DSG4: variants seen among roughly 807,000 people sequenced by gnomAD.
DSG4 encodes desmoglein-4.
In DSG4, 87 loss-of-function variants were observed where a neutral mutation model predicts 93.1. The ratio of observed to expected loss-of-function variants is 0.93; its 90% CI spans 0.79 to 1.12. The LOEUF (loss-of-function observed/expected upper bound fraction) is 1.12, where lower values mean the gene tolerates loss of function less well. Among genes scored for constraint, DSG4 ranks in the 50% most tolerant of loss-of-function variants. The probability of loss-of-function intolerance (pLI) is 0.00; values close to 1 mark genes in which losing one functional copy is unlikely to be tolerated. For missense variants in DSG4, 1,373 were observed against 1,285.7 expected (o/e 1.07, Z -1.04); for synonymous variants, 432 against 452.9 (o/e 0.95, Z 0.59).
In DSG4 at chr18:31,406,007, G is replaced by A. The variant is rs192423161; in HGVS notation, c.1637-70G>A. Reference sequence around the variant, plus strand: ...TTTTAAGTCAATATTTGGTATTAGGGAGAGTTAACCACCCCCCTAGCCCAC... The same window carrying A: ...TTTTAAGTCAATATTTGGTATTAGGAAGAGTTAACCACCCCCCTAGCCCAC... On this transcript the variant is annotated intron_variant, in intron 11 of 15. Coordinates refer to ENST00000308128, the MANE Select transcript of DSG4 (RefSeq NM_177986.5). The A allele has an allele frequency of 6.3e-5, 99 of 1,578,414 alleles. No homozygotes were observed. In the South Asian group the frequency reaches 8.5e-4, roughly 14 times the overall value.
chr18:31,389,870 G>A (rs1297606178), intron 5 of DSG4, among the ~76,000 whole-genome samples: 2 of 152,110 alleles, frequency 1.3e-5, no homozygotes, highest in African/African-American at 2.4e-5. Context: ...TTGCCTAGGA[G>A]AGCCAACACA....
chr18:31,402,532 G>A (rs1207487212), intron 10 of DSG4, among the ~76,000 whole-genome samples: 1 of 152,068 alleles, frequency 6.6e-6, no homozygotes, highest in East Asian at 1.9e-4. Context: ...CTATAGGTAG[G>A]CTCTCAGTTT....
At chr18:31,397,480 C>T (rs2072318223) in intron 8 of DSG4, among the ~76,000 whole-genome samples, 1 of 152,076 alleles carries the variant, frequency 6.6e-6, no homozygotes, top group African/African-American at 2.4e-5. Flanking sequence ...ACTAAAGGGC[C>T]CCACTTGCGA....
intron 8 of DSG4, among the ~76,000 whole-genome samples, chr18:31,398,978 T>C (rs1387801502): frequency 6.6e-6 from 1 of 152,162 alleles, no homozygotes; most frequent in Non-Finnish European, 1.5e-5. Flanking sequence ...ATTTGGAAAA[T>C]AATCGTTTTT....
chr18:31,397,296 C>G (rs1167908229), intron 8 of DSG4, among the ~76,000 whole-genome samples: 1 of 152,188 alleles, frequency 6.6e-6, no homozygotes, highest in African/African-American at 2.4e-5. Context: ...CCCCCAGCCA[C>G]TCTAACACAC....
rs1348661145 is a variant in DSG4, at chr18:31,397,181, A to C, written c.1006-2091A>C. Among the ~76,000 whole-genome samples, 4 of 152,198 alleles carry C rather than the reference A, an allele frequency of 2.6e-5. No homozygotes were observed. In the East Asian group the frequency reaches 7.7e-4, roughly 29 times the overall value. On this transcript the variant is annotated intron_variant, in intron 8 of 15. Coordinates refer to ENST00000308128, the MANE Select transcript of DSG4 (RefSeq NM_177986.5). The stretch of plus-strand genomic sequence containing the variant: ...AATCTAAGCGTAGCTTCTATACTAC[A>C]ATTTACAGCAGCCAAAAGCCTGCCA...
At chr18:31,401,171 G>A in intron 10 of DSG4, 151 bp downstream of exon 10, 1 of 607,100 alleles carries the variant, frequency 1.6e-6, no homozygotes, top group East Asian at 3.1e-5. Flanking sequence ...ATCAAGAATT[G>A]AAGTCAATTA....
chr18:31,391,026 A>C, intron 6 of DSG4, 52 bp from the exon 7 acceptor site: 20 of 1,609,400 alleles, frequency 1.2e-5, no homozygotes, highest in Non-Finnish European at 1.6e-5. Flanking sequence ...AATGCATTGG[A>C]TTCTATTCAA....
chr18:31,390,328 C>T (rs1013542609), intron 5 of DSG4, among the ~76,000 whole-genome samples: 5 of 152,036 alleles, frequency 3.3e-5, no homozygotes, highest in Non-Finnish European at 7.4e-5. Context: ...AAAAATAAAA[C>T]AGATAAAAAT....
At chr18:31,397,014 G>A (rs2072312950) in intron 8 of DSG4, among the ~76,000 whole-genome samples, 1 of 151,952 alleles carries the variant, frequency 6.6e-6, no homozygotes, top group South Asian at 2.1e-4. Context: ...GTCCCCTGCT[G>A]TTGAAAAACT....
chr18:31,403,234 G>T (rs2072387767), intron 10 of DSG4, among the ~76,000 whole-genome samples, 182 bp from the exon 11 acceptor site: 1 of 152,168 alleles, frequency 6.6e-6, no homozygotes, highest in African/African-American at 2.4e-5. Flanking sequence ...GAAGCAGTGT[G>T]GCTGGAAGGT....
intron 5 of DSG4, among the ~76,000 whole-genome samples, chr18:31,389,655 C>G (rs373505154): frequency 6.6e-6 from 1 of 152,016 alleles, no homozygotes; most frequent in Admixed American, 6.6e-5. Flanking sequence ...GCCTTCTGAC[C>G]TTGATTTTAC....
At chr18:31,386,891 G>A (rs991136620) in intron 3 of DSG4, 72 bp downstream of exon 3, 2 of 1,602,372 alleles carry the variant, frequency 1.2e-6, no homozygotes, top group East Asian at 2.3e-5. Context: ...TCCAAGATTT[G>A]CAGGCTTCAC....
rs761624597 is a variant in DSG4, at chr18:31,412,833, G to A, written c.2361G>A (p.Ala787=). 28 of 1,613,978 alleles carry A rather than the reference G, an allele frequency of 1.7e-5. No individual in the cohort carries two copies. Among genetic ancestry groups the A allele is most frequent in the African/African-American group, 5.3e-5 (4 of 74,908 alleles). The change falls in exon 16 of 16, where the codon GCG becomes GCA. Residue 787 remains alanine (A), a synonymous_variant. Coordinates refer to ENST00000308128, the MANE Select transcript of DSG4 (RefSeq NM_177986.5). ...AFLDSYFSEK[A]YAYADEDEGR... The stretch of plus-strand genomic sequence containing the variant: ...GTATTTCCTTTTAATTTTAGAAAGC[G>A]TATGCTTATGCAGATGAAGATGAAG...
chr18:31,383,484 A>G (rs557297844), intron 1 of DSG4, among the ~76,000 whole-genome samples: 103 of 152,222 alleles, frequency 6.8e-4, no homozygotes, highest in African/African-American at 2.4e-3. Flanking sequence ...TTATTCTAGT[A>G]TATTCCTTTA....
chr18:31,396,354 CTTTTTTTTTTTTTT>C (rs71383035), intron 8 of DSG4, among the ~76,000 whole-genome samples: 47 of 74,010 alleles, frequency 6.4e-4, no homozygotes, highest in South Asian at 1.7e-3. Flanking sequence ...AGGGTCATTG[CTTTTTTTTTTTTTT>C]TTTTTTTTTT....
At chr18:31,397,586 A>C (rs562776855) in intron 8 of DSG4, among the ~76,000 whole-genome samples, 11 of 152,140 alleles carry the variant, frequency 7.2e-5, no homozygotes. Context: ...AGATTATGTG[A>C]AGATCTTTAA....
At chr18:31,378,075 C>T (rs1181070319) in intron 1 of DSG4, among the ~76,000 whole-genome samples, 5 of 152,338 alleles carry the variant, frequency 3.3e-5, no homozygotes. Context: ...GAGCCGAACA[C>T]TGCCAAAGGG....
intron 12 of DSG4, 33 bp downstream of exon 12, chr18:31,406,406 G>C (rs1485686145): frequency 1.9e-6 from 3 of 1,613,254 alleles, no homozygotes; most frequent in African/African-American, 1.3e-5. Context: ...CTTTTCAATA[G>C]TTCTTCAAAA....
Sources: gnomAD v4.1 joint callset for allele counts (sites outside exome capture counted in the v4.1 genomes callset) on GRCh38, gnomAD v4.1.1 for gene constraint, MANE v1.5 for transcripts, NCBI Gene and HGNC (gene_info 2026-07-23, HGNC 2026-07-21) for gene names.